Variants in SOS2 observed in about 807,000 individuals in gnomAD.
The protein encoded by SOS2 is son of sevenless homolog 2.
In SOS2, 65 loss-of-function variants were observed where a neutral mutation model predicts 148.2. The observed-to-expected ratio is 0.44, with a 90% CI of 0.36 to 0.54. The LOEUF (loss-of-function observed/expected upper bound fraction) is 0.54. SOS2 is among the 20% of genes least tolerant of loss of function. The pLI is 0.00. For synonymous variants in SOS2, 539 were observed against 537.1 expected (o/e 1.00, Z -0.05); for missense variants, 1,341 against 1,590.2 (o/e 0.84, Z 2.67).
At chr14:50,155,454 A>T (rs1884782504) in intron 12 of SOS2, among the ~76,000 whole-genome samples, 1 of 152,068 alleles carries the variant, frequency 6.6e-6, no homozygotes, top group Admixed American at 6.6e-5. Context: ...CTGAATACCT[A>T]CAGTCACCTT....
chr14:50,200,387 C>G lies in SOS2; in HGVS notation c.346-532G>C, dbSNP rs930100176. 3.9e-5 allele frequency among the ~76,000 whole-genome samples: 6 copies of G among 152,094 alleles called. 1 individual carries two copies. Among genetic ancestry groups the G allele is most frequent in the African/African-American group, 1.4e-4 (6 of 41,498 alleles). On this transcript the variant is annotated intron_variant, in intron 3 of 22. Transcript: ENST00000216373. ...CAAACTAGGTCCTAGTCCACTTTTC[C>G]AGTATATAAAAAATAATCTGTGATA...
intron 5 of SOS2, among the ~76,000 whole-genome samples, chr14:50,185,408 G>A (rs576947960): frequency 6.6e-5 from 10 of 152,224 alleles, no homozygotes; most frequent in South Asian, 4.2e-4. Flanking sequence ...AGATTAGAGA[G>A]GGGTCAGGCG....
intron 21 of SOS2, among the ~76,000 whole-genome samples, chr14:50,127,351 A>G (rs1374761922): frequency 2.0e-5 from 3 of 152,140 alleles, no homozygotes; most frequent in Non-Finnish European, 4.4e-5. Context: ...CATGTTGGTC[A>G]GTCTGGTCTC....
intron 5 of SOS2, among the ~76,000 whole-genome samples, chr14:50,186,083 G>T (rs2139723921): frequency 6.6e-6 from 1 of 152,254 alleles, no homozygotes; most frequent in Admixed American, 6.5e-5. Flanking sequence ...GGGGCAAAAG[G>T]AGTAACTTAA....
In SOS2 at chr14:50,226,865, A is replaced by T. The variant is rs79801658; in HGVS notation, c.87+4332T>A. ...GCTGATTTATCTCAACATATAATCA[A>T]ATAACACATGCATATAGTACCAAGG... On this transcript the variant is annotated intron_variant, in intron 1 of 22. Transcript: ENST00000216373. Among the ~76,000 whole-genome samples, 1,438 of 152,334 alleles carry T rather than the reference A, an allele frequency of 9.4e-3. 16 individuals are homozygous for T. The highest frequency in any genetic ancestry group is 0.065 in the Middle Eastern group (19 of 294).
At chr14:50,125,410 T>C (rs1883649836) in intron 21 of SOS2, among the ~76,000 whole-genome samples, 1 of 152,206 alleles carries the variant, frequency 6.6e-6, no homozygotes, top group African/African-American at 2.4e-5. Flanking sequence ...TTTTGCTCTT[T>C]TAAGCTACTC....
At chr14:50,230,171 A>G (rs1242964437) in intron 1 of SOS2, among the ~76,000 whole-genome samples, 1 of 152,186 alleles carries the variant, frequency 6.6e-6, no homozygotes, top group African/African-American at 2.4e-5. Flanking sequence ...AAAATACACT[A>G]CTTCCTTTCA....
chr14:50,158,171 AAAGTTTTCAT>A (rs1420125628), intron 11 of SOS2, among the ~76,000 whole-genome samples: 1 of 152,120 alleles, frequency 6.6e-6, no homozygotes, highest in African/African-American at 2.4e-5. Context: ...ATGTGTTTTG[AAAGTTTTCAT>A]AACAAGTTTG....
intron 14 of SOS2, among the ~76,000 whole-genome samples, chr14:50,147,512 T>TA (rs60438147): frequency 4.6e-4 from 48 of 105,234 alleles, no homozygotes; most frequent in African/African-American, 1.3e-3. Context: ...ACCCTGTTTC[T>TA]AAAAAAAAAA....
chr14:50,127,703 T>C (rs191620526), intron 21 of SOS2, among the ~76,000 whole-genome samples: 255 of 152,342 alleles, frequency 1.7e-3, no homozygotes, highest in African/African-American at 5.9e-3. Flanking sequence ...CTGTTAAGTA[T>C]GCTCTAAGTT....
chr14:50,214,088 A>G (rs1886970026), intron 1 of SOS2, among the ~76,000 whole-genome samples: 1 of 128,420 alleles, frequency 7.8e-6, no homozygotes, highest in South Asian at 2.5e-4. Flanking sequence ...TTTTGTGTTT[A>G]AGGGGGAAGT....
chr14:50,217,307 T>C (rs990484067), intron 1 of SOS2, among the ~76,000 whole-genome samples: 3 of 152,024 alleles, frequency 2.0e-5, no homozygotes, highest in African/African-American at 7.2e-5. Context: ...ATATATAAAA[T>C]GATTCAATCA....
At chr14:50,173,238 C>G (rs1325345381) in intron 8 of SOS2, among the ~76,000 whole-genome samples, 1 of 152,038 alleles carries the variant, frequency 6.6e-6, no homozygotes, top group Non-Finnish European at 1.5e-5. Flanking sequence ...TAGACAGTTA[C>G]GACTTTTTCC....
chr14:50,228,042 A>G (rs1887432094), intron 1 of SOS2, among the ~76,000 whole-genome samples: 1 of 141,404 alleles, frequency 7.1e-6, no homozygotes, highest in Non-Finnish European at 1.5e-5. Context: ...AGATGCAAGT[A>G]ATTTTTTTTT....
chr14:50,131,645 G>A (rs1486654475), intron 19 of SOS2, among the ~76,000 whole-genome samples: 2 of 152,104 alleles, frequency 1.3e-5, no homozygotes, highest in Admixed American at 6.6e-5. Flanking sequence ...AGAGGAACAC[G>A]AATTCTGCTA....
At position 50,188,622 on chromosome 14, in the gene SOS2, A is replaced by G; in HGVS notation, c.589T>C (p.Leu197=). Residue 197 remains leucine, a synonymous_variant, in exon 5 of 23, where the codon TTA becomes CTA. Coordinates refer to ENST00000216373, the MANE Select transcript of SOS2 (RefSeq NM_006939.4). ...GTTCTGACAAGATCATAGTAGTTTA[A>G]TTCACCAGAAGAACTAGGTTCATCT... The part of the protein sequence containing the change: ...CEDEPSSSGE[L]NYYDLVRTEI... 6.2e-7 allele frequency: 1 copy of G among 1,610,600 alleles called. No homozygotes were observed. Among genetic ancestry groups the G allele is most frequent in the African/African-American group, 1.3e-5 (1 of 74,904 alleles).
At chr14:50,198,850 T>C (rs2139776072) in intron 4 of SOS2, among the ~76,000 whole-genome samples, 1 of 152,366 alleles carries the variant, frequency 6.6e-6, no homozygotes, top group Middle Eastern at 3.4e-3. Context: ...AACACAAAGA[T>C]TGCTATGTTA....
intron 4 of SOS2, among the ~76,000 whole-genome samples, chr14:50,197,251 C>T (rs1595015097): frequency 6.6e-6 from 1 of 152,132 alleles, no homozygotes; most frequent in African/African-American, 2.4e-5. Flanking sequence ...GAATAAGATA[C>T]ACAGTTTCAA....
chr14:50,212,286 C>T (rs183460882), intron 1 of SOS2, among the ~76,000 whole-genome samples: 1 of 152,238 alleles, frequency 6.6e-6, no homozygotes, highest in East Asian at 1.9e-4. Context: ...CCATCCTGGC[C>T]AACACGGTGA....
Sources: allele counts gnomAD v4.1 joint callset (sites outside exome capture counted in the v4.1 genomes callset), GRCh38; gene constraint gnomAD v4.1.1; transcripts MANE v1.5; gene names NCBI Gene and HGNC (gene_info 2026-07-23, HGNC 2026-07-21).